The following SLC7A10 variants were observed in gnomAD, a reference collection of about 807,000 sequenced individuals.
The protein encoded by SLC7A10 is solute carrier family 7 member 10, also known as asc-type amino acid transporter 1.
SLC7A10 carries 30 observed loss-of-function variants against 52.7 expected under a neutral mutation model. The ratio of observed to expected loss-of-function variants is 0.57; its 90% confidence interval spans 0.43 to 0.77. The LOEUF (loss-of-function observed/expected upper bound fraction) is 0.77, where lower values mean the gene tolerates loss of function less well. Ranked by LOEUF, SLC7A10 falls within the 30% of genes least tolerant of loss-of-function variation. The pLI is 0.00. For synonymous variants in SLC7A10, 318 were observed against 314.9 expected, an observed-to-expected ratio of 1.01 and a Z score of -0.10; for missense variants, 581 against 698.5, an observed-to-expected ratio of 0.83 and a Z score of 1.90.
intron 1 of SLC7A10, among the ~76,000 whole-genome samples, chr19:33,221,621 T>C (rs1422040052): frequency 2.6e-5 from 4 of 152,014 alleles, no homozygotes; most frequent in African/African-American, 4.8e-5. Context: ...TCTGCAGAGG[T>C]CCACCCCTCT....
intron 2 of SLC7A10, 139 bp downstream of exon 2, chr19:33,215,630 A>AC (rs1304311242): frequency 6.9e-6 from 2 of 288,764 alleles, no homozygotes; most frequent in East Asian, 1.3e-4. Context: ...CTCTCCATCC[A>AC]CCCCCCACAC....
intron 2 of SLC7A10, among the ~76,000 whole-genome samples, chr19:33,214,671 A>G (rs1974630210): frequency 6.6e-6 from 1 of 152,202 alleles, no homozygotes; most frequent in African/African-American, 2.4e-5. Context: ...CTGGTCAGCT[A>G]GGCCCGGTGG....
At chr19:33,218,687 T>TCTTTCTTTCTTTC (rs1318192191) in intron 1 of SLC7A10, among the ~76,000 whole-genome samples, 70 of 85,748 alleles carry the variant, frequency 8.2e-4, no homozygotes, top group East Asian at 2.3e-3. Context: ...CTTTCTTTTT[T>TCTTTCTTTCTTTC]TTTTTTTTTT....
chr19:33,208,747 TA>T lies in SLC7A10; in HGVS notation c.*143del. The T allele has an allele frequency of 2.0e-6, 2 of 1,010,954 alleles. No individual in the cohort carries two copies. The highest frequency in any genetic ancestry group is 2.8e-6 in the Non-Finnish European group (2 of 707,674). The allele number at this position is 1,010,954 out of a possible 1,614,324, so 62.6% of individuals were successfully genotyped here. On this transcript the variant is annotated 3_prime_UTR_variant, in exon 11 of 11. Transcript: ENST00000253188. This position sits in a 1 kb window ranked among gnomAD's most constrained non-coding sequence, Gnocchi z 4.7. ...AAGACAGGAAACCCAGTCCACATTT[TA>T]GGGCTTCCTTAAACAGGCTTCTGAG... is the stretch of plus-strand genomic sequence containing the variant.
At chr19:33,212,090 G>T in intron 5 of SLC7A10, 1 of 678,094 alleles carries the variant, frequency 1.5e-6, no homozygotes, top group Non-Finnish European at 2.5e-6. Flanking sequence ...GGGCTGTGAC[G>T]TGTCCATAGC....
intron 10 of SLC7A10, 108 bp from the exon 11 acceptor site, chr19:33,209,129 G>T: frequency 1.3e-6 from 2 of 1,566,038 alleles, no homozygotes; most frequent in Non-Finnish European, 8.7e-7. Context: ...TGCTCCGTCG[G>T]TACCCGTGGT....
chr19:33,215,630 ACC>A, intron 2 of SLC7A10, 137 bp downstream of exon 2: 4 of 288,770 alleles, frequency 1.4e-5, no homozygotes, highest in Non-Finnish European at 1.9e-5. Flanking sequence ...CTCTCCATCC[ACC>A]CCCCACACCT....
chr19:33,225,748 TCCGG>T lies in SLC7A10; in HGVS notation c.-49_-46del. On this transcript the variant is annotated 5_prime_UTR_variant, in exon 1 of 11. Coordinates refer to ENST00000253188, the MANE Select transcript of SLC7A10 (RefSeq NM_019849.3). ...CCCGCTCCCTGCGCTGCCCCGTCTG[TCCGG>T]CCGGCCGCCCGTCGGTCCGTCGGTC... The T allele has an allele frequency of 6.9e-7, 1 of 1,456,132 alleles. No individual in the cohort carries two copies. Among genetic ancestry groups the T allele is most frequent in the Admixed American group, 2.6e-5 (1 of 38,796 alleles). The allele number at this position is 1,456,132 out of a possible 1,614,324, so 90.2% of individuals were successfully genotyped here.
At position 33,210,529 on chromosome 19, in the gene SLC7A10, C is replaced by T. The variant is rs778717789; in HGVS notation, c.1201G>A (p.Val401Ile). 126 of 1,610,788 alleles carry T rather than the reference C, an allele frequency of 7.8e-5. 1 individual carries two copies. The Admixed American group carries it at 1.7e-3, about 22-fold the overall frequency. Reference sequence around the variant, plus strand: ...AGCAGCAGCAGGCCCAGGATGGTGACGCCGTAGCAGAGGTAGTTGATGAAG... The same window carrying T: ...AGCAGCAGCAGGCCCAGGATGGTGATGCCGTAGCAGAGGTAGTTGATGAAG... The part of the protein sequence containing the change: ...VSFINYLCYG[V>I]TILGLLLLRW... The change falls in exon 9 of 11, where the codon GTC (valine) becomes ATC (isoleucine). Residue 401 changes from valine (V) to isoleucine (I), a missense_variant. Physicochemically the swap from Val to Ile is conservative, Grantham distance 29. Transcript: ENST00000253188. This position sits in a 1 kb window ranked among gnomAD's most constrained non-coding sequence, Gnocchi z 5.6.
intron 1 of SLC7A10, chr19:33,220,507 C>G (rs1323759224): frequency 2.6e-5 from 4 of 152,202 alleles, no homozygotes; most frequent in Non-Finnish European, 1.5e-5. Flanking sequence ...TTCAGAATCC[C>G]TTATCTTGCT....
At chr19:33,214,546 G>A (rs992694034) in intron 2 of SLC7A10, among the ~76,000 whole-genome samples, 13 of 152,158 alleles carry the variant, frequency 8.5e-5, no homozygotes, top group Non-Finnish European at 4.4e-5. Context: ...TCCAAGCCCC[G>A]GCACCTGCCG....
chr19:33,212,891 G>C lies in SLC7A10; in HGVS notation c.468C>G (p.Pro156=), dbSNP rs1974588128. Residue 156 remains proline (P), a synonymous_variant, in exon 3 of 11, where the codon CCC becomes CCG. Transcript: ENST00000253188. The part of the protein sequence containing the change: ...VLQPVFPNCI[P]PTTASRVLSM... ...ACAGCACCCGGGAGGCTGTGGTGGG[G>C]GGGATGCAGTTGGGGAACACGGGCT... The C allele has an allele frequency of 4.3e-6, 7 of 1,614,070 alleles. No homozygotes were observed. The highest frequency in any genetic ancestry group is 3.3e-4 in the Middle Eastern group (2 of 6,078).
chr19:33,212,002 T>A, intron 5 of SLC7A10: 1 of 544,770 alleles, frequency 1.8e-6, no homozygotes, highest in Non-Finnish European at 3.3e-6. Context: ...TGTATATGCA[T>A]AATTTTAGGC....
chr19:33,211,595 G>T, intron 5 of SLC7A10, 58 bp from the exon 6 acceptor site: 1 of 1,612,542 alleles, frequency 6.2e-7, no homozygotes. Context: ...GGACCCCCGA[G>T]ACCCAGCCAC....
At chr19:33,215,654 AC>A (rs1555733121) in intron 2 of SLC7A10, 114 bp downstream of exon 2, 1 of 716,182 alleles carries the variant, frequency 1.4e-6, no homozygotes, top group Non-Finnish European at 1.8e-6. Flanking sequence ...CTCTCCATCC[AC>A]CCCCACGACC....
In SLC7A10 at chr19:33,210,448, A is replaced by G. The variant is rs747033873; in HGVS notation, c.1263+19T>C. On this transcript the variant is annotated intron_variant, in intron 9 of 10. Transcript: ENST00000253188. The surrounding 1 kb of genome is among the most constrained non-coding windows in gnomAD (Gnocchi z 5.6). ...CTCTGGCAGCACCCGGCACAGGGCC[A>G]GCTGTCCCAGGGCCTCACCTTGATG... 1.9e-6 allele frequency: 3 copies of G among 1,569,684 alleles called. No homozygotes were observed. Among genetic ancestry groups the G allele is most frequent in the South Asian group, 2.3e-5 (2 of 87,348 alleles).
chr19:33,210,646 C>T lies in SLC7A10; in HGVS notation c.1114-30G>A, dbSNP rs1442614197. The T allele has an allele frequency of 6.2e-7, 1 of 1,610,150 alleles. No homozygotes were observed. Among genetic ancestry groups the T allele is most frequent in the South Asian group, 1.1e-5 (1 of 91,070 alleles). ...GAGAGGACCTGGGGCTGACGGCTGG[C>T]CCCTAGCCTGCCTCCTGACGCCCCT... On this transcript the variant is annotated intron_variant, in intron 8 of 10. Coordinates refer to ENST00000253188, the MANE Select transcript of SLC7A10 (RefSeq NM_019849.3). The surrounding 1 kb of genome is among the most constrained non-coding windows in gnomAD (Gnocchi z 5.6).
chr19:33,212,277 G>C lies in SLC7A10; in HGVS notation c.788+15C>G, dbSNP rs1200086320. On this transcript the variant is annotated intron_variant, in intron 5 of 10. Transcript: ENST00000253188. ...CCTGGCTGCTTCCCAGGGCCCAGTT[G>C]GGGGCCCCACTCACTTTCGGGCGTC... The C allele has an allele frequency of 1.9e-6, 3 of 1,591,730 alleles. No homozygotes were observed. In the East Asian group the frequency reaches 6.9e-5, roughly 37 times the overall value.
chr19:33,222,436 AAAATAAAAT>A (rs1202515524), intron 1 of SLC7A10, among the ~76,000 whole-genome samples: 1 of 87,748 alleles, frequency 1.1e-5, no homozygotes, highest in African/African-American at 4.5e-5. Context: ...AAAATAAAAT[AAAATAAAAT>A]AAATAAAATA....
Sources: gnomAD v4.1 joint callset for allele counts (sites outside exome capture counted in the v4.1 genomes callset) on GRCh38, gnomAD v4.1.1 for gene constraint, Gnocchi (gnomAD v3.1) non-coding constraint, MANE v1.5 for transcripts, NCBI Gene and HGNC (gene_info 2026-07-23, HGNC 2026-07-21) for gene names.